Variants in NEO1 observed in about 807,000 individuals in gnomAD.
NEO1 encodes neogenin 1.
In NEO1, 63 loss-of-function variants were observed where a neutral mutation model predicts 159.7. The ratio of observed to expected loss-of-function variants is 0.39; its 90% CI spans 0.32 to 0.49. The LOEUF is 0.49. NEO1 is among the 20% of genes least tolerant of loss of function. The pLI is 0.85. For synonymous variants in NEO1, 633 were observed against 662.0 expected (o/e 0.96, Z 0.67); for missense variants, 1,615 against 1,831.0 (o/e 0.88, Z 2.15).
At chr15:73,099,125 G>T (rs896411523) in intron 1 of NEO1, among the ~76,000 whole-genome samples, 1 of 152,120 alleles carries the variant, frequency 6.6e-6, no homozygotes, top group African/African-American at 2.4e-5. Flanking sequence ...ACTGCTTTTG[G>T]TTTATATATA....
intron 9 of NEO1, among the ~76,000 whole-genome samples, chr15:73,244,954 CA>C (rs57566986): frequency 0.015 from 243 of 16,498 alleles, no homozygotes; most frequent in African/African-American, 0.046. Context: ...GACTCTGTCT[CA>C]AAAAAAAAAA....
At chr15:73,255,807 G>A (rs1373787734) in intron 13 of NEO1, 3 of 152,134 alleles carry the variant, frequency 2.0e-5, no homozygotes, top group African/African-American at 7.2e-5. Context: ...CAGCTGCATC[G>A]GCTTAGTTTT....
chr15:73,256,833 A>G (rs1161389473), intron 13 of NEO1, among the ~76,000 whole-genome samples: 2 of 152,178 alleles, frequency 1.3e-5, no homozygotes, highest in Non-Finnish European at 2.9e-5. Context: ...TCACGCCTGT[A>G]ATCCCAGCAC....
In NEO1 at chr15:73,284,409, T is replaced by G. The variant is rs114618436; in HGVS notation, c.3410+1298T>G. 7.6e-4 allele frequency among the ~76,000 whole-genome samples: 115 copies of G among 152,316 alleles called. 1 individual carries two copies. The highest frequency in any genetic ancestry group is 2.7e-3 in the African/African-American group (111 of 41,568). ...GGGTAAGTACAGGCCACCCTGTAAC[T>G]GCTACTGGTAATGACTTTATGTCAT... On this transcript the variant is annotated intron_variant, in intron 23 of 28. Coordinates refer to ENST00000261908, the MANE Select transcript of NEO1 (RefSeq NM_002499.4).
intron 1 of NEO1, among the ~76,000 whole-genome samples, chr15:73,055,792 G>GT (rs2067666001): frequency 6.6e-6 from 1 of 152,138 alleles, no homozygotes; most frequent in Non-Finnish European, 1.5e-5. Context: ...TTGTCTTCTT[G>GT]TGTTGCCTGT....
intron 5 of NEO1, among the ~76,000 whole-genome samples, chr15:73,164,168 C>G (rs1003308930): frequency 2.0e-5 from 3 of 151,152 alleles, no homozygotes; most frequent in African/African-American, 4.9e-5. Context: ...GCTGGGATTA[C>G]AGGCACCCAC....
At chr15:73,124,381 A>T (rs1034032321) in intron 3 of NEO1, among the ~76,000 whole-genome samples, 1 of 152,018 alleles carries the variant, frequency 6.6e-6, no homozygotes, top group African/African-American at 2.4e-5. Context: ...ATATTATTAG[A>T]TCTTGTCACA....
At chr15:73,077,189 G>C (rs1415239683) in intron 1 of NEO1, among the ~76,000 whole-genome samples, 4 of 152,018 alleles carry the variant, frequency 2.6e-5, no homozygotes, top group Admixed American at 1.3e-4. Context: ...GATTACAGGT[G>C]CCCGCCACCA....
chr15:73,232,372 C>T (rs924283869), intron 7 of NEO1, among the ~76,000 whole-genome samples: 5 of 152,196 alleles, frequency 3.3e-5, no homozygotes, highest in African/African-American at 1.2e-4. Flanking sequence ...TAGATTAGTG[C>T]TGAACCAAAG....
At position 73,182,756 on chromosome 15, in the gene NEO1, C is replaced by T. The variant is rs562224622; in HGVS notation, c.1291+4329C>T. Reference sequence around the variant, plus strand: ...ACCACCCCCATGATTTAATTATCTACCAGTAGGTCCCTTCCACAACACGTG... The same window carrying T: ...ACCACCCCCATGATTTAATTATCTATCAGTAGGTCCCTTCCACAACACGTG... On this transcript the variant is annotated intron_variant, in intron 7 of 28. Transcript: ENST00000261908. Among the ~76,000 whole-genome samples the T allele has an allele frequency of 1.3e-3, 204 of 152,204 alleles. 1 individual carries two copies. Among genetic ancestry groups the T allele is most frequent in the Non-Finnish European group, 9.4e-4 (64 of 68,012 alleles).
At chr15:73,217,023 G>T (rs1427321830) in intron 7 of NEO1, among the ~76,000 whole-genome samples, 2 of 152,144 alleles carry the variant, frequency 1.3e-5, no homozygotes, top group Non-Finnish European at 2.9e-5. Flanking sequence ...GTCCTGAATG[G>T]TAATGCCTAG....
intron 5 of NEO1, among the ~76,000 whole-genome samples, chr15:73,173,881 C>T (rs747070412): frequency 1.3e-5 from 2 of 151,974 alleles, no homozygotes; most frequent in African/African-American, 2.4e-5. Flanking sequence ...AGGTGGATCA[C>T]CTGAGGTCAG....
At chr15:73,052,329 C>T (rs2067478042), upstream of NEO1, among the ~76,000 whole-genome samples, 5 of 139,788 alleles carry the variant, frequency 3.6e-5, no homozygotes, top group South Asian at 1.1e-3. Context: ...CCGCCGTCCG[C>T]GGTCTCCGCC....
chr15:73,257,132 CAA>C (rs10623334), intron 13 of NEO1, among the ~76,000 whole-genome samples: 612 of 54,764 alleles, frequency 0.011, 8 homozygotes, highest in South Asian at 0.09. Context: ...ACTCTGTCTC[CAA>C]AAAAAAAAAA....
intron 8 of NEO1, among the ~76,000 whole-genome samples, chr15:73,243,852 G>A (rs1055054200): frequency 2.6e-5 from 4 of 152,072 alleles, no homozygotes; most frequent in African/African-American, 9.7e-5. Context: ...TTATTTAAAT[G>A]TTTTATGTTT....
chr15:73,145,192 G>T (rs935641077), intron 5 of NEO1, among the ~76,000 whole-genome samples: 1 of 152,144 alleles, frequency 6.6e-6, no homozygotes, highest in Non-Finnish European at 1.5e-5. Flanking sequence ...GATGAAAATG[G>T]CCAGTTGACC....
intron 15 of NEO1, among the ~76,000 whole-genome samples, chr15:73,264,383 C>T (rs2040785956): frequency 1.3e-5 from 2 of 152,032 alleles, no homozygotes; most frequent in South Asian, 2.1e-4. Flanking sequence ...GAAGGGAGAA[C>T]GCTATAGCAA....
intron 7 of NEO1, among the ~76,000 whole-genome samples, chr15:73,231,219 C>A (rs1228705797): frequency 6.6e-6 from 1 of 152,094 alleles, no homozygotes. Flanking sequence ...CATTATGAAT[C>A]TTCATAATCT....
rs2036479935 is a variant in NEO1 at position 73,195,377 on chromosome 15, A to G, written c.1291+16950A>G. ...GATATCACTGACAATCTGGCTGCTT[A>G]TAGACTAGCTTTCATATAGTTTCCA... On this transcript the variant is annotated intron_variant, in intron 7 of 28. Transcript: ENST00000261908. Among the ~76,000 whole-genome samples the G allele has an allele frequency of 2.6e-5, 4 of 152,190 alleles. No homozygotes were observed. The South Asian group carries it at 8.3e-4, about 32-fold the overall frequency.
Sources: gnomAD v4.1 joint callset for allele counts (sites outside exome capture counted in the v4.1 genomes callset) on GRCh38, gnomAD v4.1.1 for gene constraint, MANE v1.5 for transcripts, NCBI Gene and HGNC (gene_info 2026-07-23, HGNC 2026-07-21) for gene names.